GSG1L: variants seen among roughly 807,000 people sequenced by gnomAD.
GSG1L encodes GSG1 like.
GSG1L carries 24 observed loss-of-function variants against 42.1 expected under a neutral mutation model. The observed-to-expected ratio is 0.57, with a 90% CI of 0.41 to 0.80. GSG1L has a LOEUF of 0.80. Ranked by LOEUF, GSG1L falls within the 30% of genes least tolerant of loss-of-function variation. GSG1L has a pLI of 0.00. For synonymous variants in GSG1L, 215 were observed against 203.5 expected (o/e 1.06, Z -0.48); for missense variants, 445 against 472.2 (o/e 0.94, Z 0.53).
intron 6 of GSG1L, among the ~76,000 whole-genome samples, chr16:27,802,602 G>A (rs1053271783): frequency 2.5e-4 from 38 of 152,064 alleles, no homozygotes; most frequent in African/African-American, 7.2e-4. Flanking sequence ...TTTCCCCACC[G>A]GCCTCTGGCT....
At chr16:27,813,305 T>C (rs902181492) in intron 5 of GSG1L, among the ~76,000 whole-genome samples, 2 of 134,226 alleles carry the variant, frequency 1.5e-5, no homozygotes, top group African/African-American at 5.2e-5. Flanking sequence ...CTCTCACTTA[T>C]ATGTAAGAAC....
intron 2 of GSG1L, among the ~76,000 whole-genome samples, chr16:27,899,427 G>A (rs1344858561): frequency 6.6e-6 from 1 of 152,110 alleles, no homozygotes; most frequent in Non-Finnish European, 1.5e-5. Flanking sequence ...AGGTAAAGAG[G>A]CATCACTGGC....
At chr16:27,984,958 A>G (rs1014621347) in intron 1 of GSG1L, among the ~76,000 whole-genome samples, 2 of 152,118 alleles carry the variant, frequency 1.3e-5, no homozygotes, top group African/African-American at 4.8e-5. Context: ...GGGTTTTGCC[A>G]TGTTGCTCAG....
chr16:27,860,343 T>C (rs2083632279), intron 3 of GSG1L, among the ~76,000 whole-genome samples: 1 of 152,178 alleles, frequency 6.6e-6, no homozygotes, highest in African/African-American at 2.4e-5. Flanking sequence ...AGGAGCCGCA[T>C]AGTAGGTGCT....
chr16:27,849,027 C>A (rs1477204410), intron 3 of GSG1L, among the ~76,000 whole-genome samples: 1 of 152,028 alleles, frequency 6.6e-6, no homozygotes, highest in East Asian at 1.9e-4. Context: ...AAAACCCTAT[C>A]TCTACTAAAA....
chr16:27,878,458 T>A (rs1291119226), intron 3 of GSG1L, among the ~76,000 whole-genome samples: 1 of 152,172 alleles, frequency 6.6e-6, no homozygotes, highest in Non-Finnish European at 1.5e-5. Flanking sequence ...TGGGGGAAAC[T>A]TCCCCCATGA....
Position 27,846,676 on chromosome 16 carries a change from C to T in GSG1L, c.551-1615G>A, listed in dbSNP as rs12447383. Among the ~76,000 whole-genome samples, 1,127 of 152,244 alleles carry T rather than the reference C, an allele frequency of 7.4e-3. 6 individuals are homozygous for T. The highest frequency in any genetic ancestry group is 0.013 in the Non-Finnish European group (851 of 68,026). On this transcript the variant is annotated intron_variant, in intron 3 of 6. Transcript: ENST00000447459. ...TTCTGCTTCAAAATCTGACCCTGGC[C>T]GGGCACGGTGGCTCATGCCTGTAAT...
chr16:28,038,512 G>T (rs531166179), intron 1 of GSG1L, among the ~76,000 whole-genome samples: 2 of 152,270 alleles, frequency 1.3e-5, no homozygotes, highest in South Asian at 4.2e-4. Context: ...CTGGGGTGGA[G>T]GGAAGTGGGG....
chr16:27,870,472 CT>C lies in GSG1L; in HGVS notation c.550+14013del, dbSNP rs2083805712. Among the ~76,000 whole-genome samples, 8 of 151,204 alleles carry C rather than the reference CT, an allele frequency of 5.3e-5. No individual in the cohort carries two copies. In the South Asian group the frequency reaches 1.7e-3, roughly 31 times the overall value. ...CTCTCTGTGTTCTTTTCTCTCTCTC[CT>C]TAAGTGTGTGTCTCCCTCTGTCCCA... On this transcript the variant is annotated intron_variant, in intron 3 of 6. Transcript: ENST00000447459.
chr16:27,975,725 C>T (rs1171695574), intron 1 of GSG1L, among the ~76,000 whole-genome samples: 2 of 152,164 alleles, frequency 1.3e-5, no homozygotes, highest in Non-Finnish European at 1.5e-5. Flanking sequence ...GAATTAATCT[C>T]AATCCCCAAA....
rs1235666159 is a variant in GSG1L at position 28,063,296 on chromosome 16, G to A, written c.129C>T (p.Gly43=). ...AGTTGGCGCGCCCGCCCTGGCCGCA[G>A]CCCGGCTTGGGGACCCGCTGCGTGC... ...CQGTQRVPKP[G]CGQGGRANCP... Residue 43 remains glycine, a synonymous_variant, in exon 1 of 7, where the codon GGC becomes GGT. Coordinates refer to ENST00000447459, the MANE Select transcript of GSG1L (RefSeq NM_001109763.2). The surrounding 1 kb of genome is among the most constrained non-coding windows in gnomAD (Gnocchi z 5.8). 33 of 1,380,502 alleles carry A rather than the reference G, an allele frequency of 2.4e-5. No homozygotes were observed. The highest frequency in any genetic ancestry group is 3.0e-5 in the Non-Finnish European group (32 of 1,057,972). 85.5% of individuals were successfully genotyped at this position (1,380,502 alleles called of 1,614,324 possible).
intron 2 of GSG1L, among the ~76,000 whole-genome samples, chr16:27,961,177 G>A (rs897446627): frequency 8.5e-5 from 13 of 152,194 alleles, no homozygotes; most frequent in Non-Finnish European, 1.8e-4. Context: ...CCATGCCCAC[G>A]TTCACACATG....
intron 2 of GSG1L, among the ~76,000 whole-genome samples, chr16:27,912,862 G>C (rs779962066): frequency 8.5e-5 from 13 of 152,232 alleles, no homozygotes; most frequent in Non-Finnish European, 1.8e-4. Context: ...GTTATCGACA[G>C]TAGAATGGAT....
intron 3 of GSG1L, among the ~76,000 whole-genome samples, chr16:27,873,632 G>A (rs886141486): frequency 5.9e-5 from 9 of 152,122 alleles, no homozygotes; most frequent in African/African-American, 1.4e-4. Context: ...AGAAAACATC[G>A]CAAAATTCTG....
intron 3 of GSG1L, among the ~76,000 whole-genome samples, chr16:27,853,553 C>T (rs1266698669): frequency 1.3e-5 from 2 of 152,140 alleles, no homozygotes; most frequent in Non-Finnish European, 2.9e-5. Flanking sequence ...ACTGAGGTGC[C>T]CCCCAACCTT....
At chr16:27,864,457 TG>T (rs2083691813) in intron 3 of GSG1L, among the ~76,000 whole-genome samples, 2 of 152,188 alleles carry the variant, frequency 1.3e-5, no homozygotes, top group African/African-American at 4.8e-5. Flanking sequence ...AGCCCTTCAC[TG>T]CCTCTCTCCT....
chr16:27,979,714 G>A (rs1359372694), intron 1 of GSG1L, among the ~76,000 whole-genome samples: 19 of 50,572 alleles, frequency 3.8e-4, no homozygotes, highest in African/African-American at 1.6e-3. Flanking sequence ...AAGGAAGGAA[G>A]GAAGGAAGGA....
At chr16:27,842,144 CGTGCCG>C (rs1567481052) in intron 4 of GSG1L, among the ~76,000 whole-genome samples, 43 of 113,750 alleles carry the variant, frequency 3.8e-4, no homozygotes, top group African/African-American at 1.4e-3. Context: ...CGATGTCGCG[CGTGCCG>C]AATTTCACAC....
intron 5 of GSG1L, among the ~76,000 whole-genome samples, chr16:27,824,833 C>G (rs1050949672): frequency 2.4e-4 from 36 of 152,206 alleles, no homozygotes; most frequent in African/African-American, 8.4e-4. Context: ...CACAGATGCC[C>G]AAGGAGGTGA....
Sources: gnomAD v4.1 joint callset for allele counts (sites outside exome capture counted in the v4.1 genomes callset) on GRCh38, gnomAD v4.1.1 for gene constraint, Gnocchi (gnomAD v3.1) non-coding constraint, MANE v1.5 for transcripts, NCBI Gene and HGNC (gene_info 2026-07-23, HGNC 2026-07-21) for gene names.